The following ANKFN1 variants were observed in gnomAD, a reference collection of about 807,000 sequenced individuals.
The protein encoded by ANKFN1 is ankyrin repeat and fibronectin type III domain containing 1.
Under a neutral mutation model 108.7 loss-of-function variants are expected in ANKFN1, and 74 were observed. The ratio of observed to expected loss-of-function variants is 0.68; its 90% CI spans 0.56 to 0.83. The LOEUF (loss-of-function observed/expected upper bound fraction) is 0.83, where lower values mean the gene tolerates loss of function less well. Ranked by LOEUF, ANKFN1 falls within the 40% of genes least tolerant of loss-of-function variation. The pLI is 0.00. For missense variants in ANKFN1, 1,505 were observed against 1,382.3 expected (o/e 1.09, Z -1.41); for synonymous variants, 547 against 516.2 (o/e 1.06, Z -0.81).
At chr17:56,337,766 A>G (rs1387736079) in intron 4 of ANKFN1, among the ~76,000 whole-genome samples, 1 of 152,176 alleles carries the variant, frequency 6.6e-6, no homozygotes, top group Admixed American at 6.5e-5. Flanking sequence ...ACCATCTCAC[A>G]CCAGTTAGAA....
chr17:56,067,125 G>A (rs576565178), intron 4 of ANKFN1, among the ~76,000 whole-genome samples: 73 of 152,040 alleles, frequency 4.8e-4, no homozygotes, highest in Non-Finnish European at 9.1e-4. Context: ...GGAGGCAGAG[G>A]TTGCAGTGAG....
intron 4 of ANKFN1, among the ~76,000 whole-genome samples, chr17:56,079,286 C>G (rs1905217153): frequency 6.6e-6 from 1 of 152,188 alleles, no homozygotes; most frequent in Non-Finnish European, 1.5e-5. Context: ...TCCCAATGCA[C>G]TAAAACAGTT....
chr17:56,333,941 TC>T (rs2045735515), intron 4 of ANKFN1, among the ~76,000 whole-genome samples: 2 of 152,102 alleles, frequency 1.3e-5, no homozygotes, highest in Non-Finnish European at 2.9e-5. Context: ...ACCGTGTGTT[TC>T]CCTCTCTTTG....
At chr17:56,485,358 G>A (rs1057383718) in intron 18 of ANKFN1, among the ~76,000 whole-genome samples, 1 of 152,198 alleles carries the variant, frequency 6.6e-6, no homozygotes, top group African/African-American at 2.4e-5. Flanking sequence ...AAACATTTGA[G>A]CAGAGACCTA....
intron 12 of ANKFN1, 110 bp downstream of exon 12, chr17:56,457,070 T>C: frequency 8.2e-7 from 1 of 1,224,162 alleles, no homozygotes; most frequent in Non-Finnish European, 1.1e-6. Flanking sequence ...ACAATAAAAT[T>C]CACTTTTCTC....
intron 1 of ANKFN1, chr17:56,174,274 C>T (rs764423720): frequency 1.0e-6 from 1 of 985,524 alleles, no homozygotes; most frequent in Non-Finnish European, 1.2e-6. Flanking sequence ...CAGAGACACT[C>T]TTCACTGCAA....
intron 4 of ANKFN1, among the ~76,000 whole-genome samples, chr17:56,123,146 A>G (rs946351655): frequency 6.6e-6 from 1 of 152,224 alleles, no homozygotes; most frequent in African/African-American, 2.4e-5. Flanking sequence ...TAACGTGCTC[A>G]AGGTCACACA....
At chr17:56,455,489 C>T (rs1230434003) in intron 11 of ANKFN1, among the ~76,000 whole-genome samples, 1 of 152,218 alleles carries the variant, frequency 6.6e-6, no homozygotes, top group East Asian at 1.9e-4. Context: ...TAGCCAAAGA[C>T]ACACTGGCCC....
intron 4 of ANKFN1, among the ~76,000 whole-genome samples, chr17:56,119,415 G>A (rs185143811): frequency 4.6e-5 from 7 of 152,234 alleles, no homozygotes; most frequent in African/African-American, 7.2e-5. Flanking sequence ...GAGGCCTGGC[G>A]GTTATTAGTG....
At chr17:56,228,114 A>C in intron 3 of ANKFN1, 157 bp downstream of exon 3, 1 of 596,886 alleles carries the variant, frequency 1.7e-6, no homozygotes, top group Non-Finnish European at 2.8e-6. Context: ...TTTGTATAAC[A>C]TCATGGAACA....
chr17:56,179,323 C>A (rs1911461650), intron 1 of ANKFN1, among the ~76,000 whole-genome samples: 1 of 152,162 alleles, frequency 6.6e-6, no homozygotes, highest in Non-Finnish European at 1.5e-5. Flanking sequence ...AACAAACTCT[C>A]CTGTGTTTTC....
intron 3 of ANKFN1, among the ~76,000 whole-genome samples, chr17:56,280,873 T>C (rs1445900903): frequency 6.6e-6 from 1 of 152,176 alleles, no homozygotes; most frequent in Admixed American, 6.5e-5. Context: ...GGGAGGGACC[T>C]AGTGGGAGGT....
At chr17:56,429,932 A>G (rs1191061789) in intron 8 of ANKFN1, among the ~76,000 whole-genome samples, 12 of 152,198 alleles carry the variant, frequency 7.9e-5, no homozygotes, top group African/African-American at 2.9e-4. Context: ...TCATTATAAT[A>G]TGAAGTAGAG....
chr17:56,419,802 C>G (rs1391762996), intron 8 of ANKFN1, among the ~76,000 whole-genome samples: 1 of 127,564 alleles, frequency 7.8e-6, no homozygotes, highest in African/African-American at 3.8e-5. Flanking sequence ...CAGAAAGAGA[C>G]CCTGTCTCAA....
intron 4 of ANKFN1, among the ~76,000 whole-genome samples, chr17:56,101,454 C>T: frequency 6.6e-6 from 1 of 152,192 alleles, no homozygotes; most frequent in East Asian, 1.9e-4. Flanking sequence ...ATTGTTAGGT[C>T]CCCTAGGATT....
intron 1 of ANKFN1, among the ~76,000 whole-genome samples, chr17:56,168,330 G>T (rs1249563456): frequency 6.6e-6 from 1 of 151,594 alleles, no homozygotes; most frequent in African/African-American, 2.4e-5. Flanking sequence ...TTAGGAGAAT[G>T]AAATGTAATA....
Position 56,125,051 on chromosome 17 carries a change from A to T in ANKFN1, c.288+78726A>T, listed in dbSNP as rs1026222649. ...TCTTTAAATGCATAAAACCTGAGGAATCTACTGCAAACACCATTTTCCCAT... is the reference window on the plus strand; with the variant it reads ...TCTTTAAATGCATAAAACCTGAGGATTCTACTGCAAACACCATTTTCCCAT... On this transcript the variant is annotated intron_variant, in intron 4 of 12. Coordinates refer to the ANKFN1 transcript ENST00000635860. Among the ~76,000 whole-genome samples the T allele has an allele frequency of 3.9e-5, 6 of 152,198 alleles. No individual in the cohort carries two copies. In the East Asian group the frequency reaches 1.2e-3, roughly 29 times the overall value.
intron 4 of ANKFN1, among the ~76,000 whole-genome samples, chr17:56,139,848 T>C (rs948046245): frequency 6.6e-6 from 1 of 152,200 alleles, no homozygotes; most frequent in Non-Finnish European, 1.5e-5. Context: ...TGTTACACTA[T>C]CTCGGTTTTA....
At chr17:56,351,999 C>T (rs2046260632) in intron 5 of ANKFN1, among the ~76,000 whole-genome samples, 1 of 151,142 alleles carries the variant, frequency 6.6e-6, no homozygotes, top group African/African-American at 2.4e-5. Context: ...TACTAAGAGC[C>T]AAAAACAAAT....
Sources: gnomAD v4.1 joint callset for allele counts (sites outside exome capture counted in the v4.1 genomes callset) on GRCh38, gnomAD v4.1.1 for gene constraint, MANE v1.5 for transcripts, NCBI Gene and HGNC (gene_info 2026-07-23, HGNC 2026-07-21) for gene names.